CRYM: variants seen among roughly 807,000 people sequenced by gnomAD.
The protein encoded by CRYM is ketimine reductase mu-crystallin.
In CRYM, 18 loss-of-function variants were observed where a neutral mutation model predicts 32.9. That is an observed-to-expected ratio of 0.55 (90% confidence interval 0.38 to 0.81). The LOEUF is 0.81. Ranked by LOEUF, CRYM falls within the 30% of genes least tolerant of loss-of-function variation. The pLI is 0.00. For synonymous variants in CRYM, 153 were observed against 152.4 expected (o/e 1.00, Z -0.03); for missense variants, 337 against 393.5 (o/e 0.86, Z 1.21).
Position 21,267,753 on chromosome 16 carries a change from C to A in CRYM, c.490-16G>T, listed in dbSNP as rs1290967796. ...ATATCCTCACCTTCATTGGGAGTAA[C>A]AAGAAGGATATTGGCGCCATTTTTT... On this transcript the variant is annotated splice_polypyrimidine_tract_variant and intron_variant, in intron 4 of 7. Coordinates refer to ENST00000572914, the MANE Select transcript of CRYM (RefSeq NM_001376256.1). The A allele has an allele frequency of 6.2e-6, 10 of 1,614,098 alleles. No homozygotes were observed. The highest frequency in any genetic ancestry group is 6.8e-6 in the Non-Finnish European group (8 of 1,179,964).
chr16:21,293,399 C>A (rs1171574909), intron 1 of CRYM, among the ~76,000 whole-genome samples: 1 of 152,090 alleles, frequency 6.6e-6, no homozygotes, highest in East Asian at 1.9e-4. Context: ...GGTGAGGATT[C>A]TGCAGAAAAG....
At position 21,275,549 on chromosome 16, in the gene CRYM, A is replaced by C; in HGVS notation, c.370T>G (p.Ser124Ala). ...CATCTTACCTTGGTGGCAATGGCAG[A>C]AACTGCAGCTGTTCTCTTTGCAGTT... ...VITAKRTAAV[S>A]AIATKFLKPP... Residue 124 changes from serine (S) to alanine (A), a missense_variant, in exon 3 of 8, where the codon TCT (serine) becomes GCT (alanine). Physicochemically the swap from Ser to Ala is moderately conservative, Grantham distance 99. Transcript: ENST00000572914. 2 of 1,614,118 alleles carry C rather than the reference A, an allele frequency of 1.2e-6. No individual in the cohort carries two copies. Among genetic ancestry groups the C allele is most frequent in the Non-Finnish European group, 1.7e-6 (2 of 1,179,952 alleles).
chr16:21,275,577 G>A lies in CRYM; in HGVS notation c.342C>T (p.Val114=). 1 of 1,614,006 alleles carries A rather than the reference G, an allele frequency of 6.2e-7. No individual in the cohort carries two copies. The highest frequency in any genetic ancestry group is 8.5e-7 in the Non-Finnish European group (1 of 1,179,906). ...GTLLAVMDGN[V]ITAKRTAAVS... ...CTGCAGCTGTTCTCTTTGCAGTTAT[G>A]ACATTTCCATCCATGACCTTGGAGG... is the stretch of plus-strand genomic sequence containing the variant. The change falls in exon 3 of 8, where the codon GTC becomes GTT. Residue 114 remains valine (V), a synonymous_variant. Transcript: ENST00000572914.
intron 1 of CRYM, among the ~76,000 whole-genome samples, chr16:21,287,747 A>G (rs1047008231): frequency 6.6e-6 from 1 of 152,232 alleles, no homozygotes; most frequent in Non-Finnish European, 1.5e-5. Flanking sequence ...GGCACACTGG[A>G]GAGGGCACAG....
In CRYM at chr16:21,297,120, G is replaced by A. The variant is rs368879430; in HGVS notation, c.-193+5858C>T. 6.0e-5 allele frequency among the ~76,000 whole-genome samples: 9 copies of A among 151,210 alleles called. No homozygotes were observed. The South Asian group carries it at 6.3e-4, about 11-fold the overall frequency. On this transcript the variant is annotated intron_variant, in intron 1 of 9. Transcript: ENST00000219599. The stretch of plus-strand genomic sequence containing the variant: ...GATTAAAAGTCACAAAAGGCCAGGC[G>A]CGGTGGCTCACGCCTGTAATCCCAG...
At chr16:21,262,217 C>A in intron 5 of CRYM, 59 bp from the exon 6 acceptor site, 1 of 1,610,738 alleles carries the variant, frequency 6.2e-7, no homozygotes, top group Non-Finnish European at 8.5e-7. Context: ...TGCTAAGAAG[C>A]CCAAAGCACA....
At chr16:21,284,563 CTTTCTTTT>C (rs1163538201) in intron 1 of CRYM, among the ~76,000 whole-genome samples, 1 of 151,998 alleles carries the variant, frequency 6.6e-6, no homozygotes, top group Non-Finnish European at 1.5e-5. Context: ...TTCTTTCTTT[CTTTCTTTT>C]TGTCTCCAGC....
chr16:21,275,641 G>T, intron 2 of CRYM, 47 bp from the exon 3 acceptor site: 1 of 1,434,182 alleles, frequency 7.0e-7, no homozygotes, highest in Non-Finnish European at 9.8e-7. Flanking sequence ...CCTGTCCACT[G>T]CATAAATTAG....
chr16:21,259,196 T>A, intron 7 of CRYM, among the ~76,000 whole-genome samples: 1 of 151,668 alleles, frequency 6.6e-6, no homozygotes, highest in South Asian at 2.1e-4. Context: ...CCTCCCAGGA[T>A]CAAGTGATTC....
At position 21,259,751 on chromosome 16, in the gene CRYM, T is replaced by C. The variant is rs2093350992; in HGVS notation, c.881-906A>G. The stretch of plus-strand genomic sequence containing the variant: ...GGTCCAGTTTGAATGCTGCATCCTT[T>C]GATATCTCCCCTTTGTCTTGTAATT... On this transcript the variant is annotated intron_variant, in intron 7 of 7. Transcript: ENST00000572914. Among the ~76,000 whole-genome samples, 3 of 152,228 alleles carry C rather than the reference T, an allele frequency of 2.0e-5. No homozygotes were observed. In the South Asian group the frequency reaches 6.2e-4, roughly 32 times the overall value.
At chr16:21,302,090 CACAT>C (rs1960960216) in intron 1 of CRYM, among the ~76,000 whole-genome samples, 1 of 152,260 alleles carries the variant, frequency 6.6e-6, no homozygotes, top group Admixed American at 6.5e-5. Flanking sequence ...CACCCACACA[CACAT>C]ACACACAATC....
At chr16:21,278,052 C>T (rs1247767147) in intron 1 of CRYM, 30 bp downstream of exon 1, 2 of 1,533,428 alleles carry the variant, frequency 1.3e-6, no homozygotes. Context: ...CCAGTTTCTC[C>T]TGCCCCTGAC....
At chr16:21,260,863 G>A (rs147180885) in intron 7 of CRYM, among the ~76,000 whole-genome samples, 11 of 152,340 alleles carry the variant, frequency 7.2e-5, no homozygotes, top group African/African-American at 2.4e-4. Context: ...TAAGGTTCCT[G>A]TCTTTTAACA....
At chr16:21,300,956 G>A (rs1449932854) in intron 1 of CRYM, 1 of 152,534 alleles carries the variant, frequency 6.6e-6, no homozygotes, top group Non-Finnish European at 1.5e-5. Context: ...TAAAGGCAGC[G>A]GGCGCAGATG....
chr16:21,288,823 TC>T (rs1960539331), intron 1 of CRYM, among the ~76,000 whole-genome samples: 1 of 152,164 alleles, frequency 6.6e-6, no homozygotes, highest in African/African-American at 2.4e-5. Context: ...TTTTCTAATT[TC>T]CCTTATGATT....
chr16:21,260,162 C>G lies in CRYM; in HGVS notation c.880+1092G>C, dbSNP rs116593304. On this transcript the variant is annotated intron_variant, in intron 7 of 7. Transcript: ENST00000572914. ...CTCCTGATGCTCTGCCAGGCATTTA[C>G]TCTTTTGCTGCTTGATCACGAAGTA... 1.7e-3 allele frequency among the ~76,000 whole-genome samples: 259 copies of G among 152,272 alleles called. 2 individuals carry two copies. Among genetic ancestry groups the G allele is most frequent in the African/African-American group, 5.7e-3 (238 of 41,560 alleles).
chr16:21,277,694 C>T lies in CRYM; in HGVS notation c.171-110G>A. ...TTCCTTCCTCACCACCCCACTGGCC[C>T]TCTTCCAGCCCCCGCATCCCTCTGC... On this transcript the variant is annotated intron_variant, in intron 1 of 7. Coordinates refer to ENST00000572914, the MANE Select transcript of CRYM (RefSeq NM_001376256.1). The surrounding 1 kb of genome is among the most constrained non-coding windows in gnomAD (Gnocchi z 4.2). The T allele has an allele frequency of 1.7e-6, 2 of 1,197,776 alleles. No homozygotes were observed. Among genetic ancestry groups the T allele is most frequent in the Non-Finnish European group, 2.4e-6 (2 of 835,496 alleles). The allele number at this position is 1,197,776 out of a possible 1,614,324, so 74.2% of individuals were successfully genotyped here. A position where few individuals can be genotyped will look rare whatever the true frequency, so the allele number is the denominator to read the frequency against.
upstream of CRYM, among the ~76,000 whole-genome samples, chr16:21,281,991 G>A (rs903618704): frequency 6.6e-6 from 1 of 152,108 alleles, no homozygotes; most frequent in African/African-American, 2.4e-5. Flanking sequence ...GATATGGTTT[G>A]GCTCCATGTC....
At chr16:21,267,474 C>G in intron 5 of CRYM, 80 bp downstream of exon 5, 2 of 1,446,610 alleles carry the variant, frequency 1.4e-6, no homozygotes. Context: ...TAAACTGGCT[C>G]TGCAAATGTA....
Sources: gnomAD v4.1 joint callset for allele counts (sites outside exome capture counted in the v4.1 genomes callset) on GRCh38, gnomAD v4.1.1 for gene constraint, Gnocchi (gnomAD v3.1) non-coding constraint, MANE v1.5 for transcripts, NCBI Gene and HGNC (gene_info 2026-07-23, HGNC 2026-07-21) for gene names.